TNRC6A: variants seen among roughly 807,000 people sequenced by gnomAD.
TNRC6A encodes trinucleotide repeat-containing gene 6A protein.
Under a neutral mutation model 221.2 loss-of-function variants are expected in TNRC6A, and 44 were observed. That is an observed-to-expected ratio of 0.20 (90% CI 0.16 to 0.26). TNRC6A has a LOEUF of 0.26. TNRC6A is among the 10% of genes least tolerant of loss of function. The pLI, the probability that TNRC6A is intolerant of heterozygous loss-of-function variation, is 1.00. For missense variants in TNRC6A, 2,199 were observed against 2,404.4 expected (o/e 0.91, Z 1.79); for synonymous variants, 847 against 838.5 (o/e 1.01, Z -0.18).
chr16:24,653,582 C>T (rs2141858825), intron 2 of TNRC6A, among the ~76,000 whole-genome samples: 1 of 152,100 alleles, frequency 6.6e-6, no homozygotes, highest in African/African-American at 2.4e-5. Flanking sequence ...TCGAGACCAG[C>T]CTGGCCAACA....
At chr16:24,728,451 AAATG>A (rs2056530076), upstream of TNRC6A, among the ~76,000 whole-genome samples, 1 of 150,410 alleles carries the variant, frequency 6.6e-6, no homozygotes. Context: ...CGCCTAAAAA[AAATG>A]ATAATATAAT....
At chr16:24,644,374 A>G (rs1370201917) in intron 2 of TNRC6A, among the ~76,000 whole-genome samples, 1 of 151,966 alleles carries the variant, frequency 6.6e-6, no homozygotes, top group Non-Finnish European at 1.5e-5. Flanking sequence ...AGCTCACTGC[A>G]TCCTTAACCT....
At chr16:24,649,816 C>CTTTTTTT (rs35308503) in intron 2 of TNRC6A, among the ~76,000 whole-genome samples, 2 of 78,894 alleles carry the variant, frequency 2.5e-5, no homozygotes, top group African/African-American at 5.8e-5. Flanking sequence ...CTCTCTCTCT[C>CTTTTTTT]TTTTTTTTTT....
intron 2 of TNRC6A, among the ~76,000 whole-genome samples, chr16:24,712,756 T>G (rs767692292): frequency 3.3e-5 from 5 of 152,180 alleles, no homozygotes; most frequent in African/African-American, 4.8e-5. Flanking sequence ...ATTTCTGTTC[T>G]GTTTTATTTT....
chr16:24,725,973 C>T (rs965736247), upstream of TNRC6A, among the ~76,000 whole-genome samples: 3 of 151,106 alleles, frequency 2.0e-5, no homozygotes, highest in African/African-American at 7.3e-5. Context: ...GCACTCCAGC[C>T]TGGGTGACGG....
intron 2 of TNRC6A, among the ~76,000 whole-genome samples, chr16:24,734,440 G>A (rs1330840907): frequency 6.6e-6 from 1 of 152,156 alleles, no homozygotes; most frequent in Non-Finnish European, 1.5e-5. Flanking sequence ...GTAGAACTCA[G>A]CTGGTCTAGT....
chr16:24,677,849 T>C (rs1165298250), intron 2 of TNRC6A, among the ~76,000 whole-genome samples: 1 of 152,182 alleles, frequency 6.6e-6, no homozygotes, highest in East Asian at 1.9e-4. Context: ...GTTTCCTCTG[T>C]TCCCTCCTTT....
At chr16:24,682,981 G>A (rs760052731) in intron 2 of TNRC6A, among the ~76,000 whole-genome samples, 4 of 152,162 alleles carry the variant, frequency 2.6e-5, no homozygotes, top group African/African-American at 4.8e-5. Context: ...ATGGAAAACT[G>A]AGGCTCAGAG....
At chr16:24,803,867 C>T (rs2058376394) in intron 11 of TNRC6A, 1 of 241,950 alleles carries the variant, frequency 4.1e-6, no homozygotes, top group Non-Finnish European at 7.9e-6. Context: ...CACCACTGCA[C>T]TCCAGCCTGG....
At chr16:24,821,454 G>A (rs2058764360) in intron 22 of TNRC6A, among the ~76,000 whole-genome samples, 2 of 152,196 alleles carry the variant, frequency 1.3e-5, no homozygotes, top group South Asian at 4.1e-4. Flanking sequence ...TGCAGGGAGT[G>A]GAGGAGGATT....
At chr16:24,695,431 GCT>G (rs2055838491) in intron 2 of TNRC6A, among the ~76,000 whole-genome samples, 1 of 151,752 alleles carries the variant, frequency 6.6e-6, no homozygotes, top group Admixed American at 6.6e-5. Flanking sequence ...AGACAGTCTC[GCT>G]CTGTCACCCA....
At position 24,723,098 on chromosome 16, in the gene TNRC6A, C is replaced by A. The variant is rs1045300217; in HGVS notation, n.403-27628C>A. Among the ~76,000 whole-genome samples the A allele has an allele frequency of 9.2e-5, 14 of 152,232 alleles. No individual in the cohort carries two copies. The East Asian group carries it at 2.7e-3, about 29-fold the overall frequency. ...AAATACCCAGGAGATATTACGTGGGCCCATTATGCCACACTCATCCTGTTT... is the reference window on the plus strand; with the variant it reads ...AAATACCCAGGAGATATTACGTGGGACCATTATGCCACACTCATCCTGTTT... On this transcript the variant is annotated intron_variant and non_coding_transcript_variant, in intron 2 of 2. Transcript: ENST00000566108.
chr16:24,687,509 C>T (rs2055650738), intron 2 of TNRC6A, among the ~76,000 whole-genome samples: 1 of 152,168 alleles, frequency 6.6e-6, no homozygotes, highest in Non-Finnish European at 1.5e-5. Context: ...CCATGCATGG[C>T]CAGGTGCAAT....
chr16:24,629,565 C>A (rs531495694), intron 1 of TNRC6A, among the ~76,000 whole-genome samples: 17 of 152,270 alleles, frequency 1.1e-4, no homozygotes, highest in African/African-American at 4.1e-4. Context: ...CTCCAGTTGA[C>A]CGCCCAGTAC....
At chr16:24,690,509 AT>A in intron 2 of TNRC6A, among the ~76,000 whole-genome samples, 1 of 152,232 alleles carries the variant, frequency 6.6e-6, no homozygotes, top group Non-Finnish European at 1.5e-5. Flanking sequence ...TAGCCTTAAT[AT>A]TCATTGGGTG....
intron 3 of TNRC6A, among the ~76,000 whole-genome samples, chr16:24,753,824 T>G (rs2057190311): frequency 6.6e-6 from 1 of 152,244 alleles, no homozygotes. Flanking sequence ...AGATATTATC[T>G]GTTCTAATAC....
chr16:24,758,991 A>G (rs2057307820), intron 4 of TNRC6A, among the ~76,000 whole-genome samples: 1 of 152,168 alleles, frequency 6.6e-6, no homozygotes. Flanking sequence ...TAAAGCTCTC[A>G]GGTGCTGAAC....
chr16:24,700,642 C>T (rs890329265), intron 2 of TNRC6A, among the ~76,000 whole-genome samples: 8 of 152,228 alleles, frequency 5.3e-5, no homozygotes, highest in African/African-American at 1.9e-4. Context: ...TATGGATCTT[C>T]GTGGTAGAGG....
At chr16:24,718,616 T>A (rs1485924494) in intron 2 of TNRC6A, among the ~76,000 whole-genome samples, 2 of 152,220 alleles carry the variant, frequency 1.3e-5, no homozygotes, top group East Asian at 3.8e-4. Context: ...TCTTTTACGC[T>A]ACACAAGGGG....
Sources: allele counts gnomAD v4.1 joint callset (sites outside exome capture counted in the v4.1 genomes callset), GRCh38; gene constraint gnomAD v4.1.1; transcripts MANE v1.5; gene names NCBI Gene and HGNC (gene_info 2026-07-23, HGNC 2026-07-21).